Variants in NRF1 observed in about 807,000 individuals in gnomAD.
NRF1 encodes the protein alpha palindromic-binding protein.
Under a neutral mutation model 58.5 loss-of-function variants are expected in NRF1, and 5 were observed. The ratio of observed to expected loss-of-function variants is 0.09; its 90% CI spans 0.04 to 0.18. The LOEUF (loss-of-function observed/expected upper bound fraction) is 0.18, where lower values mean the gene tolerates loss of function less well. Ranked by LOEUF, NRF1 falls within the 10% of genes least tolerant of loss-of-function variation. NRF1 has a pLI of 1.00. For missense variants in NRF1, 288 were observed against 657.7 expected (o/e 0.44, Z 6.15); for synonymous variants, 224 against 246.7 (o/e 0.91, Z 0.86).
intron 1 of NRF1, among the ~76,000 whole-genome samples, chr7:129,619,796 T>C (rs1333669591): frequency 6.6e-6 from 1 of 150,828 alleles, no homozygotes; most frequent in African/African-American, 2.4e-5. Context: ...GAGATTTCAT[T>C]TGAGTTGACA....
chr7:129,713,693 T>C (rs1803127140), intron 8 of NRF1, among the ~76,000 whole-genome samples: 1 of 152,170 alleles, frequency 6.6e-6, no homozygotes, highest in Admixed American at 6.5e-5. Context: ...CAAAGAACAA[T>C]TGCAGTGAGA....
At chr7:129,620,021 C>G (rs1562950458) in intron 1 of NRF1, among the ~76,000 whole-genome samples, 1 of 151,956 alleles carries the variant, frequency 6.6e-6, no homozygotes, top group Non-Finnish European at 1.5e-5. Context: ...TGAGATTTTT[C>G]AAGGGGGCTG....
chr7:129,733,295 G>A (rs1330952409), intron 10 of NRF1, among the ~76,000 whole-genome samples: 2 of 151,584 alleles, frequency 1.3e-5, no homozygotes, highest in Non-Finnish European at 1.5e-5. Context: ...GTGAAACCCC[G>A]TCTCTACTAA....
intron 10 of NRF1, among the ~76,000 whole-genome samples, chr7:129,735,584 G>T (rs1413383391): frequency 1.3e-5 from 2 of 152,188 alleles, no homozygotes; most frequent in African/African-American, 4.8e-5. Context: ...ACAAGGCATT[G>T]TCATTACACT....
intron 1 of NRF1, among the ~76,000 whole-genome samples, chr7:129,613,164 A>G (rs1415136977): frequency 6.6e-6 from 1 of 152,172 alleles, no homozygotes; most frequent in Non-Finnish European, 1.5e-5. Flanking sequence ...GTCCCGGGAC[A>G]TCATCTGTGC....
At chr7:129,750,505 G>GTAGGA (rs1562993785) in intron 10 of NRF1, among the ~76,000 whole-genome samples, 1 of 151,644 alleles carries the variant, frequency 6.6e-6, no homozygotes, top group Admixed American at 6.6e-5. Flanking sequence ...AATCCCTACA[G>GTAGGA]TGGTCATGCA....
At chr7:129,737,628 C>G (rs757519432) in intron 10 of NRF1, among the ~76,000 whole-genome samples, 13 of 152,262 alleles carry the variant, frequency 8.5e-5, no homozygotes, top group Non-Finnish European at 1.8e-4. Context: ...CTTGTTCTCA[C>G]AAGAGTCCAC....
At chr7:129,716,597 G>A (rs531276575) in intron 8 of NRF1, among the ~76,000 whole-genome samples, 5 of 152,222 alleles carry the variant, frequency 3.3e-5, no homozygotes, top group Admixed American at 2.6e-4. Flanking sequence ...TGGGCCGGGC[G>A]TGGTGACTCA....
At chr7:129,677,804 G>A (rs780873798) in intron 4 of NRF1, 46 bp downstream of exon 4, 12 of 1,606,158 alleles carry the variant, frequency 7.5e-6, no homozygotes, top group Admixed American at 3.4e-5. Flanking sequence ...GCTTTCTGTC[G>A]GCTGCTTCCA....
At chr7:129,744,862 A>C (rs893590873) in intron 10 of NRF1, among the ~76,000 whole-genome samples, 6 of 152,162 alleles carry the variant, frequency 3.9e-5, no homozygotes. Flanking sequence ...AGTCACGAGT[A>C]CATCTTTGGA....
intron 3 of NRF1, among the ~76,000 whole-genome samples, chr7:129,672,254 G>T (rs1332780864): frequency 6.8e-6 from 1 of 146,034 alleles, no homozygotes; most frequent in Admixed American, 7.1e-5. Context: ...GTCCAGGCTG[G>T]TCTGGGACTC....
chr7:129,660,901 C>T (rs1584616753), intron 2 of NRF1, among the ~76,000 whole-genome samples: 2 of 151,198 alleles, frequency 1.3e-5, no homozygotes, highest in Non-Finnish European at 1.5e-5. Flanking sequence ...TTCCCTTACA[C>T]ACTGTACTTG....
At chr7:129,645,392 G>A (rs1443357343) in intron 1 of NRF1, among the ~76,000 whole-genome samples, 1 of 152,182 alleles carries the variant, frequency 6.6e-6, no homozygotes, top group African/African-American at 2.4e-5. Flanking sequence ...TAGGCATGAG[G>A]TAGAATGGAG....
chr7:129,676,721 A>T (rs1372119415), intron 3 of NRF1, among the ~76,000 whole-genome samples: 1 of 152,236 alleles, frequency 6.6e-6, no homozygotes, highest in African/African-American at 2.4e-5. Context: ...AAGTGAGCAC[A>T]TGCTGTTGGA....
intron 10 of NRF1, among the ~76,000 whole-genome samples, chr7:129,754,587 G>A (rs993479509): frequency 1.3e-5 from 2 of 151,976 alleles, no homozygotes; most frequent in African/African-American, 2.4e-5. Context: ...TTGGCCAGCA[G>A]GTGCAAAGGA....
At chr7:129,705,758 G>GA (rs1047560723) in intron 5 of NRF1, among the ~76,000 whole-genome samples, 4 of 151,096 alleles carry the variant, frequency 2.6e-5, no homozygotes, top group East Asian at 1.9e-4. Flanking sequence ...TCTACAAAAA[G>GA]AAAAAAAAGA....
chr7:129,669,985 A>G (rs1802011165), intron 2 of NRF1, among the ~76,000 whole-genome samples: 2 of 152,256 alleles, frequency 1.3e-5, no homozygotes, highest in Admixed American at 1.3e-4. Flanking sequence ...TGTGATCTGT[A>G]TGTACAATGG....
intron 1 of NRF1, among the ~76,000 whole-genome samples, chr7:129,641,479 A>C (rs1801287913): frequency 6.6e-6 from 1 of 152,006 alleles, no homozygotes. Context: ...AAAGGTTAAT[A>C]TTTTTATTCT....
chr7:129,679,918 C>G (rs967980932), intron 4 of NRF1, among the ~76,000 whole-genome samples: 2 of 151,452 alleles, frequency 1.3e-5, no homozygotes, highest in African/African-American at 4.9e-5. Context: ...ATTAGCCAGA[C>G]GTGGTGGCGG....
Sources: allele counts gnomAD v4.1 joint callset (sites outside exome capture counted in the v4.1 genomes callset), GRCh38; gene constraint gnomAD v4.1.1; transcripts MANE v1.5; gene names NCBI Gene and HGNC (gene_info 2026-07-23, HGNC 2026-07-21).